KHDRBS2: variants seen among roughly 807,000 people sequenced by gnomAD.
The protein encoded by KHDRBS2 is KH RNA binding domain containing, signal transduction associated 2.
In KHDRBS2, 26 loss-of-function variants were observed where a neutral mutation model predicts 44.3. The ratio of observed to expected loss-of-function variants is 0.59; its 90% confidence interval spans 0.43 to 0.81. The LOEUF (loss-of-function observed/expected upper bound fraction) is 0.81, where lower values mean the gene tolerates loss of function less well. Among genes scored for constraint, KHDRBS2 ranks in the 40% least tolerant of loss-of-function variants. The pLI is 0.00. For missense variants in KHDRBS2, 476 were observed against 433.1 expected (o/e 1.10, Z -0.88); for synonymous variants, 194 against 151.1 (o/e 1.28, Z -2.08).
chr6:61,624,829 G>A, the KHDRBS2 span, among the ~76,000 whole-genome samples: 1 of 152,104 alleles, frequency 6.6e-6, no homozygotes, highest in African/African-American at 2.4e-5. Flanking sequence ...GAGAAAAAAT[G>A]GCACCCTAAC....
the KHDRBS2 span, among the ~76,000 whole-genome samples, chr6:61,606,260 T>C: frequency 1.4e-4 from 22 of 152,198 alleles, no homozygotes; most frequent in African/African-American, 5.3e-4. Context: ...TCTGTTCACA[T>C]GGACACAAGT....
At chr6:62,070,717 A>G (rs1025454168) in intron 2 of KHDRBS2, among the ~76,000 whole-genome samples, 3 of 152,066 alleles carry the variant, frequency 2.0e-5, no homozygotes, top group South Asian at 2.1e-4. Flanking sequence ...TATGTGCCAC[A>G]TTTTCTTAAT....
chr6:61,838,669 A>T lies in KHDRBS2; in HGVS notation c.810+55966T>A, dbSNP rs960344683. Among the ~76,000 whole-genome samples the T allele has an allele frequency of 2.6e-5, 4 of 152,010 alleles. 1 individual carries two copies. The Admixed American group carries it at 2.6e-4, about 10-fold the overall frequency. ...GGCTTCAGTGAAGGATAATAAATAT[A>T]AACATACCTGAATCCATCTATTTTG... On this transcript the variant is annotated intron_variant, in intron 6 of 8. Coordinates refer to ENST00000281156, the MANE Select transcript of KHDRBS2 (RefSeq NM_152688.4).
At chr6:62,050,030 G>A (rs1201009175) in intron 2 of KHDRBS2, among the ~76,000 whole-genome samples, 5 of 151,970 alleles carry the variant, frequency 3.3e-5, no homozygotes, top group Non-Finnish European at 5.9e-5. Flanking sequence ...GCAAAGACTT[G>A]GAACCAACCC....
In KHDRBS2 at chr6:61,955,109, CAT is replaced by C. The variant is rs538462634; in HGVS notation, c.483+22955_483+22956del. Among the ~76,000 whole-genome samples, 95 of 142,980 alleles carry C rather than the reference CAT, an allele frequency of 6.6e-4. 3 individuals are homozygous for C. Among genetic ancestry groups the C allele is most frequent in the East Asian group, 4.8e-3 (22 of 4,540 alleles). The allele number at this position is 142,980 out of a possible 152,430, so 93.8% of individuals were successfully genotyped here. On this transcript the variant is annotated intron_variant, in intron 4 of 8. Coordinates refer to ENST00000281156, the MANE Select transcript of KHDRBS2 (RefSeq NM_152688.4). ...ATGCATACATATATGTATATATACACATATGTGTATATATGTATACATATGTA... is the reference window on the plus strand; with the variant it reads ...ATGCATACATATATGTATATATACACATGTGTATATATGTATACATATGTA...
chr6:61,750,773 A>C (rs1270717776), intron 6 of KHDRBS2, among the ~76,000 whole-genome samples: 1 of 151,844 alleles, frequency 6.6e-6, no homozygotes, highest in Non-Finnish European at 1.5e-5. Context: ...AAAAAAAAAA[A>C]AAAACATCTA....
intron 5 of KHDRBS2, among the ~76,000 whole-genome samples, chr6:61,899,137 C>A (rs1332335599): frequency 6.6e-6 from 1 of 151,774 alleles, no homozygotes; most frequent in Non-Finnish European, 1.5e-5. Flanking sequence ...AGAGCAAAGA[C>A]CTTAAACATT....
At chr6:61,553,546 C>T in the KHDRBS2 span, among the ~76,000 whole-genome samples, 1 of 152,044 alleles carries the variant, frequency 6.6e-6, no homozygotes, top group Admixed American at 6.6e-5. Flanking sequence ...CTTCAACTAG[C>T]TTTGGGGTTG....
intron 6 of KHDRBS2, among the ~76,000 whole-genome samples, chr6:61,796,041 C>T (rs979248623): frequency 1.3e-5 from 2 of 151,792 alleles, no homozygotes; most frequent in Non-Finnish European, 1.5e-5. Context: ...GTAATCTGAC[C>T]CCAATCAATT....
chr6:62,159,135 T>C (rs1377420306), intron 2 of KHDRBS2, among the ~76,000 whole-genome samples: 1 of 152,114 alleles, frequency 6.6e-6, no homozygotes, highest in East Asian at 1.9e-4. Context: ...GGTCAAATAA[T>C]GTTCAATATG....
At chr6:62,236,498 T>G (rs1833731243) in intron 1 of KHDRBS2, among the ~76,000 whole-genome samples, 1 of 151,968 alleles carries the variant, frequency 6.6e-6, no homozygotes, top group Non-Finnish European at 1.5e-5. Context: ...TATATATTTT[T>G]GAGAATGGGG....
At chr6:62,149,736 A>T (rs1814698689) in intron 2 of KHDRBS2, among the ~76,000 whole-genome samples, 1 of 152,180 alleles carries the variant, frequency 6.6e-6, no homozygotes, top group South Asian at 2.1e-4. Flanking sequence ...TGATTTAAGA[A>T]CTTAAGTCAC....
the KHDRBS2 span, among the ~76,000 whole-genome samples, chr6:61,597,647 G>T: frequency 6.8e-6 from 1 of 147,582 alleles, no homozygotes; most frequent in Non-Finnish European, 1.5e-5. Flanking sequence ...ATGGGGGACA[G>T]AAGTAAATGA....
chr6:61,691,834 G>A (rs1220134802), intron 8 of KHDRBS2, among the ~76,000 whole-genome samples: 1 of 152,038 alleles, frequency 6.6e-6, no homozygotes, highest in Non-Finnish European at 1.5e-5. Context: ...GAATACATTT[G>A]TGTTCCACAA....
chr6:61,600,969 G>A, the KHDRBS2 span, among the ~76,000 whole-genome samples: 1 of 152,152 alleles, frequency 6.6e-6, no homozygotes, highest in Non-Finnish European at 1.5e-5. Context: ...ATGGACTCGG[G>A]AAGACAGTCT....
chr6:62,108,174 A>G (rs1315692907), intron 2 of KHDRBS2, among the ~76,000 whole-genome samples: 1 of 152,146 alleles, frequency 6.6e-6, no homozygotes, highest in Non-Finnish European at 1.5e-5. Flanking sequence ...AAAATGGGAG[A>G]AAATTTTCGC....
chr6:62,053,058 G>A (rs1584383739), intron 2 of KHDRBS2, among the ~76,000 whole-genome samples: 1 of 152,104 alleles, frequency 6.6e-6, no homozygotes, highest in East Asian at 1.9e-4. Flanking sequence ...CTTCACTACA[G>A]TAAACATTTT....
intron 6 of KHDRBS2, among the ~76,000 whole-genome samples, chr6:61,776,658 GAAGAA>G (rs973006251): frequency 1.3e-5 from 2 of 152,184 alleles, no homozygotes; most frequent in Admixed American, 6.5e-5. Flanking sequence ...GAGAGGATGT[GAAGAA>G]ATAGGAACAC....
At chr6:62,075,787 T>A (rs558913444) in intron 2 of KHDRBS2, among the ~76,000 whole-genome samples, 21 of 151,854 alleles carry the variant, frequency 1.4e-4, no homozygotes, top group Admixed American at 9.9e-4. Context: ...ACACTCAGCC[T>A]CTGTAGGTAA....
Sources: gnomAD v4.1 joint callset for allele counts (sites outside exome capture counted in the v4.1 genomes callset) on GRCh38, gnomAD v4.1.1 for gene constraint, MANE v1.5 for transcripts, NCBI Gene and HGNC (gene_info 2026-07-23, HGNC 2026-07-21) for gene names.